METTL15: variants seen among roughly 807,000 people sequenced by gnomAD.
METTL15 encodes the protein methyltransferase 15, mitochondrial 12S rRNA N4-cytidine.
METTL15 carries 34 observed loss-of-function variants against 38.3 expected under a neutral mutation model. The ratio of observed to expected loss-of-function variants is 0.89; its 90% CI spans 0.68 to 1.18. The LOEUF is 1.18. METTL15 is among the 50% of genes most tolerant of loss of function. METTL15 has a pLI of 0.00. For synonymous variants in METTL15, 162 were observed against 170.9 expected (o/e 0.95, Z 0.41); for missense variants, 438 against 498.4 (o/e 0.88, Z 1.15).
intron 3 of METTL15, among the ~76,000 whole-genome samples, chr11:28,166,140 A>G (rs912113197): frequency 6.6e-6 from 1 of 152,112 alleles, no homozygotes; most frequent in Non-Finnish European, 1.5e-5. Flanking sequence ...GTGGTTACAT[A>G]TGAATTTAAG....
intron 5 of METTL15, among the ~76,000 whole-genome samples, chr11:28,423,350 A>AC (rs887188743): frequency 2.0e-5 from 3 of 151,874 alleles, no homozygotes; most frequent in African/African-American, 4.8e-5. Flanking sequence ...CTAGGTAGAT[A>AC]CCCCCCCAAA....
intron 3 of METTL15, among the ~76,000 whole-genome samples, chr11:28,152,626 G>C (rs1191966084): frequency 6.6e-6 from 1 of 151,838 alleles, no homozygotes; most frequent in East Asian, 1.9e-4. Context: ...TGAGGGATTG[G>C]TTCCAGGATC....
chr11:28,156,178 A>G (rs1202130386), intron 3 of METTL15, among the ~76,000 whole-genome samples: 1 of 152,158 alleles, frequency 6.6e-6, no homozygotes, highest in East Asian at 1.9e-4. Flanking sequence ...GTCACCTCAT[A>G]AAAAAATATC....
intron 5 of METTL15, among the ~76,000 whole-genome samples, chr11:28,373,630 A>C (rs1289419119): frequency 6.6e-6 from 1 of 152,042 alleles, no homozygotes; most frequent in African/African-American, 2.4e-5. Flanking sequence ...AATTAGTTTA[A>C]TTAATTTAGT....
intron 6 of METTL15, among the ~76,000 whole-genome samples, chr11:28,317,866 C>A (rs907363246): frequency 6.6e-6 from 1 of 152,110 alleles, no homozygotes; most frequent in Admixed American, 6.5e-5. Context: ...ATACATGAAA[C>A]AGGGTTCTCA....
At chr11:28,290,541 T>A in intron 5 of METTL15, 144 bp downstream of exon 5, 1 of 692,678 alleles carries the variant, frequency 1.4e-6, no homozygotes, top group Non-Finnish European at 2.4e-6. Flanking sequence ...GTTTGTTTCA[T>A]ACTCATTATA....
chr11:28,438,486 A>G (rs1851002734), intron 6 of METTL15, among the ~76,000 whole-genome samples: 1 of 152,058 alleles, frequency 6.6e-6, no homozygotes, highest in South Asian at 2.1e-4. Flanking sequence ...TGAGAGATTT[A>G]GGGCTCAGTG....
chr11:28,200,013 T>A (rs1852050679), intron 3 of METTL15, among the ~76,000 whole-genome samples: 1 of 152,048 alleles, frequency 6.6e-6, no homozygotes, highest in South Asian at 2.1e-4. Flanking sequence ...CAAAGTTGAC[T>A]TTTTAAAGGG....
At chr11:28,309,051 T>A (rs1309886457) in intron 6 of METTL15, among the ~76,000 whole-genome samples, 1 of 152,180 alleles carries the variant, frequency 6.6e-6, no homozygotes, top group Non-Finnish European at 1.5e-5. Context: ...AGACTTATGT[T>A]TCCAAGCTGT....
intron 4 of METTL15, among the ~76,000 whole-genome samples, chr11:28,239,744 A>C (rs527848850): frequency 6.6e-6 from 1 of 152,096 alleles, no homozygotes; most frequent in East Asian, 1.9e-4. Flanking sequence ...ACATTCCTTC[A>C]TTTCTTTCAA....
At chr11:28,381,130 G>A (rs1010775307) in intron 5 of METTL15, among the ~76,000 whole-genome samples, 1 of 152,094 alleles carries the variant, frequency 6.6e-6, no homozygotes, top group African/African-American at 2.4e-5. Flanking sequence ...AGCCTCCCAA[G>A]TAGCTGTGAC....
intron 3 of METTL15, among the ~76,000 whole-genome samples, chr11:28,162,391 T>G (rs1264758800): frequency 6.6e-6 from 1 of 152,170 alleles, no homozygotes; most frequent in Admixed American, 6.5e-5. Flanking sequence ...GCCACTAGAT[T>G]TGATGATTAG....
At chr11:28,170,900 T>C (rs1165831228) in intron 3 of METTL15, among the ~76,000 whole-genome samples, 1 of 152,154 alleles carries the variant, frequency 6.6e-6, no homozygotes, top group African/African-American at 2.4e-5. Context: ...TTACAATGCC[T>C]AACCTCCTGT....
chr11:28,209,553 A>G (rs1852532389), intron 3 of METTL15, among the ~76,000 whole-genome samples: 1 of 152,114 alleles, frequency 6.6e-6, no homozygotes, highest in Non-Finnish European at 1.5e-5. Context: ...AAGTCACACT[A>G]CAACATTTGT....
intron 4 of METTL15, among the ~76,000 whole-genome samples, chr11:28,260,058 C>T (rs538810542): frequency 1.3e-3 from 199 of 152,322 alleles, no homozygotes; most frequent in Non-Finnish European, 2.2e-3. Flanking sequence ...GCCTGGCTTA[C>T]TGCAAAAGTC....
Position 28,520,562 on chromosome 11 carries a change from T to C in METTL15, c.*425-5916T>C, listed in dbSNP as rs192438885. Among the ~76,000 whole-genome samples the C allele has an allele frequency of 5.9e-5, 9 of 152,278 alleles. No individual in the cohort carries two copies. The South Asian group carries it at 8.3e-4, about 14-fold the overall frequency. The stretch of plus-strand genomic sequence containing the variant: ...AAGAAGGTCCCGAGAAAATAACTTA[T>C]GGTTAGGCCACCCTGGGAGTTCTTT... On this transcript the variant is annotated intron_variant and NMD_transcript_variant, in intron 6 of 7. Coordinates refer to the METTL15 transcript ENST00000532947.
At chr11:28,291,701 A>G (rs1369248189) in intron 5 of METTL15, among the ~76,000 whole-genome samples, 1 of 152,166 alleles carries the variant, frequency 6.6e-6, no homozygotes, top group East Asian at 1.9e-4. Flanking sequence ...CAAGTAACTA[A>G]TAGTAAAGGT....
chr11:28,478,968 T>C (rs754667353), intron 6 of METTL15, among the ~76,000 whole-genome samples: 1 of 151,968 alleles, frequency 6.6e-6, no homozygotes, highest in Non-Finnish European at 1.5e-5. Flanking sequence ...GTGAAAACAA[T>C]AGAGAGATGT....
chr11:28,143,794 A>G (rs926527450), intron 3 of METTL15, among the ~76,000 whole-genome samples: 2 of 152,170 alleles, frequency 1.3e-5, no homozygotes, highest in Non-Finnish European at 2.9e-5. Context: ...TTGAGAAAAG[A>G]TATCTTGATC....
Sources: gnomAD v4.1 joint callset for allele counts (sites outside exome capture counted in the v4.1 genomes callset) on GRCh38, gnomAD v4.1.1 for gene constraint, MANE v1.5 for transcripts, NCBI Gene and HGNC (gene_info 2026-07-23, HGNC 2026-07-21) for gene names.